MARCHF1: variants seen among roughly 807,000 people sequenced by gnomAD.
The protein encoded by MARCHF1 is E3 ubiquitin-protein ligase MARCHF1.
MARCHF1 carries 40 observed loss-of-function variants against 54.2 expected under a neutral mutation model. The ratio of observed to expected loss-of-function variants is 0.74; its 90% CI spans 0.57 to 0.96. The LOEUF (loss-of-function observed/expected upper bound fraction) is 0.96, where lower values mean the gene tolerates loss of function less well. Among genes scored for constraint, MARCHF1 ranks in the 40% least tolerant of loss-of-function variants. MARCHF1 has a pLI of 0.00. For missense variants in MARCHF1, 586 were observed against 656.5 expected (o/e 0.89, Z 1.17); for synonymous variants, 236 against 236.3 (o/e 1.00, Z 0.01).
At chr4:163,906,722 TA>T (rs146881194) in intron 3 of MARCHF1, among the ~76,000 whole-genome samples, 13,662 of 149,970 alleles carry the variant, frequency 0.091, 739 homozygotes, top group Non-Finnish European at 0.13. Flanking sequence ...CTTAGACAAA[TA>T]AAAAAAAAGA....
intron 1 of MARCHF1, among the ~76,000 whole-genome samples, chr4:164,250,957 T>G (rs535273590): frequency 1.3e-5 from 2 of 152,142 alleles, no homozygotes; most frequent in Non-Finnish European, 2.9e-5. Flanking sequence ...TTTGTTTTCA[T>G]TTGGGTCAGG....
intron 1 of MARCHF1, among the ~76,000 whole-genome samples, chr4:164,323,793 G>A (rs1735204421): frequency 6.6e-6 from 1 of 151,618 alleles, no homozygotes; most frequent in Non-Finnish European, 1.5e-5. Flanking sequence ...GACCTAAGAC[G>A]TGGAAAATTA....
intron 4 of MARCHF1, among the ~76,000 whole-genome samples, chr4:163,729,180 G>A (rs1579235058): frequency 6.6e-6 from 1 of 151,938 alleles, no homozygotes; most frequent in South Asian, 2.1e-4. Flanking sequence ...TCCATATTTT[G>A]TTGAAGATTC....
At chr4:164,133,543 A>T (rs1377305450) in intron 1 of MARCHF1, among the ~76,000 whole-genome samples, 2 of 152,194 alleles carry the variant, frequency 1.3e-5, no homozygotes, top group Non-Finnish European at 2.9e-5. Flanking sequence ...TATAAACACA[A>T]ATCTACGGTG....
chr4:164,168,924 C>T (rs943439320), intron 1 of MARCHF1, among the ~76,000 whole-genome samples: 24 of 151,966 alleles, frequency 1.6e-4, no homozygotes, highest in Admixed American at 5.9e-4. Context: ...ACAGTGGCTA[C>T]CATTACCACA....
Position 164,280,107 on chromosome 4 carries a change from A to G in MARCHF1, c.-323+103763T>C, listed in dbSNP as rs563576370. ...TTCTTACCCTGTTTTATAGAGGTTA[A>G]AAACCTCTACTGGTTATATTAAGTG... On this transcript the variant is annotated intron_variant, in intron 1 of 9. Coordinates refer to ENST00000514618, the MANE Select transcript of MARCHF1 (RefSeq NM_001394959.1). 1.5e-4 allele frequency among the ~76,000 whole-genome samples: 23 copies of G among 152,096 alleles called. No homozygotes were observed. The South Asian group carries it at 4.6e-3, about 30-fold the overall frequency.
chr4:163,580,411 T>G (rs893191581), intron 8 of MARCHF1, among the ~76,000 whole-genome samples: 16 of 152,166 alleles, frequency 1.1e-4, no homozygotes, highest in Non-Finnish European at 2.1e-4. Flanking sequence ...CTAACTCTTT[T>G]GGTGTTGATG....
At chr4:164,336,018 T>C (rs1729730948) in intron 1 of MARCHF1, among the ~76,000 whole-genome samples, 2 of 152,176 alleles carry the variant, frequency 1.3e-5, no homozygotes, top group Non-Finnish European at 2.9e-5. Flanking sequence ...CAGAATTGTT[T>C]GATAGGAGTT....
chr4:164,091,434 A>AT (rs56887424), intron 2 of MARCHF1, among the ~76,000 whole-genome samples: 13 of 147,070 alleles, frequency 8.8e-5, no homozygotes, highest in African/African-American at 1.7e-4. Context: ...ATATATGTAT[A>AT]AAATGAATTG....
chr4:163,639,211 G>A (rs1292792968), intron 5 of MARCHF1, among the ~76,000 whole-genome samples: 1 of 152,134 alleles, frequency 6.6e-6, no homozygotes, highest in East Asian at 1.9e-4. Context: ...CAGAAAATCA[G>A]AGCAGGAAAG....
chr4:163,823,628 C>G (rs1007531528), intron 4 of MARCHF1, among the ~76,000 whole-genome samples: 1 of 151,802 alleles, frequency 6.6e-6, no homozygotes, highest in Non-Finnish European at 1.5e-5. Flanking sequence ...TTAAATTATT[C>G]TTAGATTATT....
chr4:164,363,221 C>G (rs1178374077), intron 1 of MARCHF1, among the ~76,000 whole-genome samples: 3 of 151,974 alleles, frequency 2.0e-5, no homozygotes, highest in African/African-American at 4.8e-5. Context: ...AAAAAAATAA[C>G]AGCAGAAACT....
intron 3 of MARCHF1, among the ~76,000 whole-genome samples, chr4:163,931,478 G>A (rs1055003572): frequency 6.6e-6 from 1 of 152,080 alleles, no homozygotes; most frequent in Non-Finnish European, 1.5e-5. Flanking sequence ...CTCAGGAGGC[G>A]TGTTTGCCCC....
chr4:163,919,360 ATAAT>A (rs1038821612), intron 3 of MARCHF1, among the ~76,000 whole-genome samples: 1 of 152,084 alleles, frequency 6.6e-6, no homozygotes, highest in African/African-American at 2.4e-5. Flanking sequence ...ATACAAATAA[ATAAT>A]TCATGAAAAG....
chr4:163,600,803 A>G (rs1740939112), intron 7 of MARCHF1, among the ~76,000 whole-genome samples: 1 of 152,192 alleles, frequency 6.6e-6, no homozygotes. Flanking sequence ...AGAGGTTTTG[A>G]TTAGCACTTG....
chr4:163,925,137 C>T (rs895936731), intron 3 of MARCHF1, among the ~76,000 whole-genome samples: 5 of 151,728 alleles, frequency 3.3e-5, no homozygotes, highest in African/African-American at 7.2e-5. Context: ...GTTGGCCAAA[C>T]GCTGGCATTT....
At chr4:163,721,812 T>C (rs1745471883) in intron 4 of MARCHF1, among the ~76,000 whole-genome samples, 1 of 152,150 alleles carries the variant, frequency 6.6e-6, no homozygotes, top group Admixed American at 6.5e-5. Flanking sequence ...CTAGTTTGCT[T>C]GCGTAGAGGT....
chr4:164,365,575 ATATT>A (rs751118066), intron 1 of MARCHF1, among the ~76,000 whole-genome samples: 2 of 152,086 alleles, frequency 1.3e-5, no homozygotes, highest in Non-Finnish European at 2.9e-5. Context: ...CAATGACTAA[ATATT>A]TATGTATAAG....
Position 164,105,717 on chromosome 4 carries a change from T to C in MARCHF1, c.-248+5871A>G, listed in dbSNP as rs1282546044. Among the ~76,000 whole-genome samples the C allele has an allele frequency of 2.2e-5, 2 of 92,638 alleles. 1 individual carries two copies. The highest frequency in any genetic ancestry group is 9.9e-5 in the African/African-American group (2 of 20,222). The allele number at this position is 92,638 out of a possible 152,430, so 60.8% of individuals were successfully genotyped here. ...GACATACGCATGGGCAAGGACTTCA[T>C]GTCTAAAACACCAAAAGCAATGGCA... On this transcript the variant is annotated intron_variant, in intron 2 of 9. Coordinates refer to ENST00000514618, the MANE Select transcript of MARCHF1 (RefSeq NM_001394959.1).
Sources: allele counts gnomAD v4.1 joint callset (sites outside exome capture counted in the v4.1 genomes callset), GRCh38; gene constraint gnomAD v4.1.1; transcripts MANE v1.5; gene names NCBI Gene and HGNC (gene_info 2026-07-23, HGNC 2026-07-21).